LMBR1: variants seen among roughly 807,000 people sequenced by gnomAD.
LMBR1 encodes limb region 1 protein homolog.
Under a neutral mutation model 73.9 loss-of-function variants are expected in LMBR1, and 52 were observed. That is an observed-to-expected ratio of 0.70 (90% CI 0.56 to 0.89). LMBR1 has a LOEUF of 0.89. Ranked by LOEUF, LMBR1 falls within the 40% of genes least tolerant of loss-of-function variation. LMBR1 has a pLI of 0.00. For synonymous variants in LMBR1, 215 were observed against 209.4 expected (o/e 1.03, Z -0.23); for missense variants, 539 against 579.8 (o/e 0.93, Z 0.72).
intron 2 of LMBR1, chr7:156,834,527 C>G: frequency 3.2e-6 from 1 of 317,022 alleles, no homozygotes; most frequent in Non-Finnish European, 6.5e-6. Flanking sequence ...CACTTGAGCC[C>G]AGGAGGTCGA....
At chr7:156,862,301 CT>C (rs536222566) in intron 1 of LMBR1, among the ~76,000 whole-genome samples, 59 of 152,272 alleles carry the variant, frequency 3.9e-4, no homozygotes, top group Non-Finnish European at 6.8e-4. Context: ...GACTTATTCA[CT>C]ATCACAAGAA....
At chr7:156,727,290 A>T in intron 12 of LMBR1, among the ~76,000 whole-genome samples, 1 of 152,194 alleles carries the variant, frequency 6.6e-6, no homozygotes, top group African/African-American at 2.4e-5. Context: ...CCTATGACGT[A>T]CAAGTCATTC....
chr7:156,864,128 TG>T (rs1798113398), intron 1 of LMBR1, among the ~76,000 whole-genome samples: 1 of 152,142 alleles, frequency 6.6e-6, no homozygotes, highest in East Asian at 1.9e-4. Context: ...CACTCCAGCC[TG>T]GGTGAAAGCA....
rs73741543 is a variant in LMBR1, at chr7:156,812,726, C to T, written c.319+13879G>A. Among the ~76,000 whole-genome samples the T allele has an allele frequency of 4.9e-4, 74 of 152,268 alleles. 1 individual carries two copies. The highest frequency in any genetic ancestry group is 1.7e-3 in the African/African-American group (69 of 41,538). On this transcript the variant is annotated intron_variant, in intron 4 of 16. Coordinates refer to ENST00000353442, the MANE Select transcript of LMBR1 (RefSeq NM_022458.4). ...GTAAGGTTTTACTACGGAAAACGTT[C>T]GAACTGAGAAAATGATATCCCATTA... is the stretch of plus-strand genomic sequence containing the variant.
chr7:156,762,879 GTC>G (rs1472204353), intron 7 of LMBR1, among the ~76,000 whole-genome samples: 2 of 148,948 alleles, frequency 1.3e-5, no homozygotes, highest in Non-Finnish European at 3.0e-5. Context: ...GTGTCTGTCC[GTC>G]TGTCTCACTC....
chr7:156,708,311 T>C (rs1293649252), intron 15 of LMBR1, among the ~76,000 whole-genome samples: 3 of 152,220 alleles, frequency 2.0e-5, no homozygotes, highest in African/African-American at 7.2e-5. Flanking sequence ...GGCAAAAAAC[T>C]GAGTTCCCAG....
In LMBR1 at chr7:156,680,082, G is replaced by A. The variant is rs1021568246; in HGVS notation, c.*3996C>T. On this transcript the variant is annotated 3_prime_UTR_variant, in exon 17 of 17. Transcript: ENST00000353442. ...TTCTACAGTGCAACAAGTAATTTGC[G>A]TACACAGTACTTTTGCTTCAGTTGT... is the stretch of plus-strand genomic sequence containing the variant. 3 of 150,532 alleles carry A rather than the reference G, an allele frequency of 2.0e-5. No homozygotes were observed. Among genetic ancestry groups the A allele is most frequent in the South Asian group, 2.1e-4 (1 of 4,730 alleles). 9.3% of individuals were successfully genotyped at this position (150,532 alleles called of 1,614,324 possible).
At chr7:156,778,658 T>C (rs1826579817) in intron 5 of LMBR1, among the ~76,000 whole-genome samples, 2 of 152,336 alleles carry the variant, frequency 1.3e-5, no homozygotes, top group South Asian at 4.1e-4. Flanking sequence ...CTAGTAAATA[T>C]ACAAGTACTC....
In LMBR1 at chr7:156,874,301, G is replaced by A. The variant is rs554655278; in HGVS notation, c.66+18627C>T. 9.8e-3 allele frequency among the ~76,000 whole-genome samples: 1,491 copies of A among 152,328 alleles called. 26 individuals are homozygous for A. The highest frequency in any genetic ancestry group is 0.033 in the African/African-American group (1,384 of 41,576). ...AGGGCCGGCTGGCTGCTCCGAGTGCGGGGCCCACCAAGCCCACGCCCACCC... is the reference window on the plus strand; with the variant it reads ...AGGGCCGGCTGGCTGCTCCGAGTGCAGGGCCCACCAAGCCCACGCCCACCC... On this transcript the variant is annotated intron_variant, in intron 1 of 16. Transcript: ENST00000353442.
intron 15 of LMBR1, among the ~76,000 whole-genome samples, chr7:156,722,808 G>A (rs1303456692): frequency 6.6e-6 from 1 of 151,744 alleles, no homozygotes; most frequent in Non-Finnish European, 1.5e-5. Context: ...TGTTTTCTTT[G>A]TGTTAAAACT....
At chr7:156,689,847 TTTTA>T (rs1395066660) in intron 15 of LMBR1, among the ~76,000 whole-genome samples, 9 of 152,296 alleles carry the variant, frequency 5.9e-5, no homozygotes, top group Admixed American at 4.6e-4. Flanking sequence ...TAATTATAAG[TTTTA>T]TTTTTCAAAT....
intron 1 of LMBR1, 198 bp downstream of exon 1, chr7:156,892,730 G>A (rs2134683598): frequency 7.5e-6 from 3 of 398,830 alleles, no homozygotes; most frequent in Non-Finnish European, 1.3e-5. Flanking sequence ...GAAGGGGAGG[G>A]GAGGGGAGAG....
chr7:156,733,951 G>GAACCTT, intron 10 of LMBR1: 1 of 339,532 alleles, frequency 2.9e-6, no homozygotes, highest in Non-Finnish European at 5.4e-6. Flanking sequence ...CTTTGAACCT[G>GAACCTT]TGAACCTTTG....
At chr7:156,703,479 G>T (rs767085578) in intron 15 of LMBR1, among the ~76,000 whole-genome samples, 6 of 152,282 alleles carry the variant, frequency 3.9e-5, no homozygotes, top group Non-Finnish European at 7.4e-5. Flanking sequence ...AAACTTCTAG[G>T]ACTGACTAGA....
chr7:156,789,725 C>T (rs1482312162), intron 5 of LMBR1, among the ~76,000 whole-genome samples: 1 of 152,164 alleles, frequency 6.6e-6, no homozygotes, highest in Non-Finnish European at 1.5e-5. Context: ...CTGTGGTATC[C>T]TAATGACTTA....
intron 5 of LMBR1, among the ~76,000 whole-genome samples, chr7:156,787,608 T>A (rs541678241): frequency 3.3e-5 from 5 of 152,220 alleles, no homozygotes; most frequent in Non-Finnish European, 7.3e-5. Flanking sequence ...GCTGAACTTC[T>A]AAAACCCTGA....
chr7:156,767,580 G>T (rs1303566335), intron 5 of LMBR1, among the ~76,000 whole-genome samples: 2 of 151,460 alleles, frequency 1.3e-5, no homozygotes, highest in African/African-American at 4.9e-5. Context: ...AAAACTTAAG[G>T]TTACCACTAA....
intron 4 of LMBR1, among the ~76,000 whole-genome samples, chr7:156,825,573 AT>A (rs1166031195): frequency 6.6e-6 from 1 of 152,244 alleles, no homozygotes; most frequent in East Asian, 1.9e-4. Context: ...ACATTAAAAA[AT>A]AAAAATAAAT....
In LMBR1 at chr7:156,892,844, TCCGGGGA is replaced by T. The variant is rs773834545; in HGVS notation, c.66+77_66+83del. On this transcript the variant is annotated intron_variant, in intron 1 of 16. Coordinates refer to ENST00000353442, the MANE Select transcript of LMBR1 (RefSeq NM_022458.4). ...CGAGGCGAGGCCCGGAGGTGAGGGG[TCCGGGGA>T]CCGGGGGCCCGGGGGCGGGGACGGA... 0.25 allele frequency: 245,649 copies of T among 973,978 alleles called. 28,904 individuals carry two copies. The highest frequency in any genetic ancestry group is 0.35 in the Admixed American group (5,859 of 16,968). The allele number at this position is 973,978 out of a possible 1,614,324, so 60.3% of individuals were successfully genotyped here. A position where few individuals can be genotyped will look rare whatever the true frequency, so the allele number is the denominator to read the frequency against.
Sources: gnomAD v4.1 joint callset for allele counts (sites outside exome capture counted in the v4.1 genomes callset) on GRCh38, gnomAD v4.1.1 for gene constraint, MANE v1.5 for transcripts, NCBI Gene and HGNC (gene_info 2026-07-23, HGNC 2026-07-21) for gene names.